The following USP34 variants were observed in gnomAD, a reference collection of about 807,000 sequenced individuals.
USP34 encodes ubiquitin specific peptidase 34, also known as ubiquitin carboxyl-terminal hydrolase 34.
A neutral mutation model predicts 460.3 loss-of-function variants in USP34; 70 were observed. The ratio of observed to expected loss-of-function variants is 0.15; its 90% confidence interval spans 0.13 to 0.19. The LOEUF (loss-of-function observed/expected upper bound fraction) is 0.19, where lower values mean the gene tolerates loss of function less well. Among genes scored for constraint, USP34 ranks in the 10% least tolerant of loss-of-function variants. The pLI, the probability that USP34 is intolerant of heterozygous loss-of-function variation, is 1.00. For synonymous variants in USP34, 1,647 were observed against 1,405.3 expected (o/e 1.17, Z -3.85); for missense variants, 3,985 against 4,236.2 (o/e 0.94, Z 1.65).
chr2:61,325,327 T>A, intron 21 of USP34, 48 bp downstream of exon 21: 1 of 1,277,078 alleles, frequency 7.8e-7, no homozygotes, highest in Non-Finnish European at 1.1e-6. Context: ...ATTTAGTTCT[T>A]CCAATAGTCA....
chr2:61,401,605 G>A (rs1329501216), intron 3 of USP34, among the ~76,000 whole-genome samples: 11 of 134,318 alleles, frequency 8.2e-5, no homozygotes, highest in Non-Finnish European at 1.7e-4. Context: ...GTGGAGTGCA[G>A]TGGCACGATC....
chr2:61,222,871 A>T, intron 64 of USP34, 189 bp downstream of exon 64: 1 of 687,728 alleles, frequency 1.5e-6, no homozygotes, highest in Admixed American at 3.0e-5. Flanking sequence ...AGATTTTTCT[A>T]TTTTGTGTAG....
At chr2:61,369,932 AT>A (rs1366383877) in intron 10 of USP34, among the ~76,000 whole-genome samples, 1 of 148,040 alleles carries the variant, frequency 6.8e-6, no homozygotes, top group Non-Finnish European at 1.5e-5. Context: ...CATGTAATAT[AT>A]TTTTTATATT....
rs1423060038 is a variant in USP34, at chr2:61,228,646, T to C, written c.7442A>G (p.Asn2481Ser). The C allele has an allele frequency of 1.2e-6, 2 of 1,610,852 alleles. No individual in the cohort carries two copies. The highest frequency in any genetic ancestry group is 8.5e-7 in the Non-Finnish European group (1 of 1,178,808). The change falls in exon 61 of 80, where the codon AAT becomes AGT. Residue 2481 changes from asparagine (N) to serine (S), a missense_variant and splice_region_variant. Coordinates refer to ENST00000398571, the MANE Select transcript of USP34 (RefSeq NM_014709.4). Reference sequence around the variant, plus strand: ...AATGTACGATAGAACTGTACTTACATTTTCAGGTCCTTTTGTTCCCATGTA... The same window carrying C: ...AATGTACGATAGAACTGTACTTACACTTTCAGGTCCTTTTGTTCCCATGTA... ...HFYMGTKGPENPQVEVLSEEE... is the reference protein window; with the variant it reads ...HFYMGTKGPESPQVEVLSEEE...
At chr2:61,233,926 T>C (rs1170605821) in intron 57 of USP34, among the ~76,000 whole-genome samples, 2 of 152,182 alleles carry the variant, frequency 1.3e-5, no homozygotes, top group African/African-American at 2.4e-5. Context: ...GCATATGTTT[T>C]TGAAGTTTTC....
intron 51 of USP34, 131 bp downstream of exon 51, chr2:61,245,079 A>G (rs1688383997): frequency 4.9e-6 from 3 of 612,564 alleles, no homozygotes; most frequent in Middle Eastern, 2.8e-4. Context: ...TCCAATAAAT[A>G]TAAACTGAAT....
intron 10 of USP34, among the ~76,000 whole-genome samples, chr2:61,359,391 T>C (rs894801103): frequency 6.6e-6 from 1 of 152,138 alleles, no homozygotes; most frequent in Non-Finnish European, 1.5e-5. Context: ...AATATTTACA[T>C]GTAAAAAGAA....
At chr2:61,461,816 G>C (rs1442974041) in intron 1 of USP34, among the ~76,000 whole-genome samples, 1 of 152,140 alleles carries the variant, frequency 6.6e-6, no homozygotes, top group Non-Finnish European at 1.5e-5. Context: ...CTCACGTCTA[G>C]AAATCTAAAA....
intron 10 of USP34, among the ~76,000 whole-genome samples, chr2:61,365,256 TACACACACACAC>T (rs34689463): frequency 3.7e-4 from 52 of 142,446 alleles, no homozygotes; most frequent in South Asian, 9.1e-4. Context: ...CATTTCAAAA[TACACACACACAC>T]ACACACACAC....
At position 61,348,406 on chromosome 2, in the gene USP34, A is replaced by G. The variant is rs777977839; in HGVS notation, c.1749T>C (p.Ser583=). ...EDGSSGPGSS[S]GHSDGSSNEV... ...CATTGCTAGATCCATCACTATGCCC[A>G]CTACTGCTACCAGGACCACTGCTTC... Residue 583 remains serine (S), a synonymous_variant, in exon 15 of 80, where the codon AGT becomes AGC. Coordinates refer to ENST00000398571, the MANE Select transcript of USP34 (RefSeq NM_014709.4). 19 of 1,613,878 alleles carry G rather than the reference A, an allele frequency of 1.2e-5. No homozygotes were observed. Among genetic ancestry groups the G allele is most frequent in the Non-Finnish European group, 1.6e-5 (19 of 1,180,020 alleles).
intron 68 of USP34, among the ~76,000 whole-genome samples, chr2:61,213,546 AAAGGGACCCAATTTAG>A (rs1407847775): frequency 6.6e-6 from 1 of 152,230 alleles, no homozygotes; most frequent in Non-Finnish European, 1.5e-5. Context: ...GTGCAGAGTA[AAAGGGACCCAATTTAG>A]ACTGCATATA....
intron 5 of USP34, among the ~76,000 whole-genome samples, chr2:61,388,682 C>T (rs986403853): frequency 6.6e-6 from 1 of 151,092 alleles, no homozygotes; most frequent in South Asian, 2.1e-4. Context: ...TGTGAACCCG[C>T]GAGGCAGAGC....
intron 49 of USP34, 136 bp downstream of exon 49, chr2:61,248,375 G>T (rs902973184): frequency 6.3e-6 from 5 of 792,606 alleles, no homozygotes; most frequent in Non-Finnish European, 9.6e-6. Context: ...CTGAATGCAT[G>T]ACATTGTCTT....
intron 20 of USP34, among the ~76,000 whole-genome samples, chr2:61,327,484 C>A (rs1247989914): frequency 6.6e-6 from 1 of 152,122 alleles, no homozygotes; most frequent in African/African-American, 2.4e-5. Context: ...AGTACAAATT[C>A]AAAAATGAGT....
intron 27 of USP34, among the ~76,000 whole-genome samples, chr2:61,304,174 G>A (rs1480029845): frequency 6.6e-6 from 1 of 152,124 alleles, no homozygotes; most frequent in Non-Finnish European, 1.5e-5. Context: ...GGGATTACAG[G>A]CATGAGCTAC....
At chr2:61,252,975 G>C (rs1250589399) in intron 48 of USP34, among the ~76,000 whole-genome samples, 1 of 152,196 alleles carries the variant, frequency 6.6e-6, no homozygotes, top group East Asian at 1.9e-4. Flanking sequence ...TCTTAGTTTA[G>C]AATGCTTTGT....
intron 33 of USP34, among the ~76,000 whole-genome samples, 194 bp from the exon 34 acceptor site, chr2:61,289,071 G>T (rs572592312): frequency 4.6e-5 from 7 of 151,950 alleles, no homozygotes; most frequent in African/African-American, 1.7e-4. Flanking sequence ...AAAGTATCTA[G>T]AAATAAAGAG....
At chr2:61,364,611 A>T in intron 10 of USP34, among the ~76,000 whole-genome samples, 1 of 152,202 alleles carries the variant, frequency 6.6e-6, no homozygotes, top group East Asian at 1.9e-4. Flanking sequence ...GGAAAATACA[A>T]GAAAAAGTAC....
At chr2:61,412,533 C>T (rs970424383) in intron 2 of USP34, among the ~76,000 whole-genome samples, 1 of 151,492 alleles carries the variant, frequency 6.6e-6, no homozygotes, top group Non-Finnish European at 1.5e-5. Flanking sequence ...TTGTAAAATT[C>T]AACAAAAGGT....
Sources: gnomAD v4.1 joint callset for allele counts (sites outside exome capture counted in the v4.1 genomes callset) on GRCh38, gnomAD v4.1.1 for gene constraint, MANE v1.5 for transcripts, NCBI Gene and HGNC (gene_info 2026-07-23, HGNC 2026-07-21) for gene names.